Variants in RIMS2 observed in about 807,000 individuals in gnomAD.
RIMS2 encodes the protein regulating synaptic membrane exocytosis 2.
RIMS2 carries 59 observed loss-of-function variants against 174.4 expected under a neutral mutation model. That is an observed-to-expected ratio of 0.34 (90% confidence interval 0.27 to 0.42). RIMS2 has a LOEUF of 0.42. RIMS2 is among the 10% of genes least tolerant of loss of function. The pLI is 1.00. For synonymous variants in RIMS2, 606 were observed against 572.5 expected (o/e 1.06, Z -0.84); for missense variants, 1,620 against 1,666.3 (o/e 0.97, Z 0.48).
intron 17 of RIMS2, among the ~76,000 whole-genome samples, chr8:104,000,058 A>G (rs1006141488): frequency 2.0e-5 from 3 of 151,784 alleles, no homozygotes; most frequent in African/African-American, 7.2e-5. Context: ...GTATTAAAGT[A>G]TTTGCCTTGC....
chr8:103,623,809 AAAGG>A (rs1470103578), intron 1 of RIMS2, among the ~76,000 whole-genome samples: 2 of 150,520 alleles, frequency 1.3e-5, no homozygotes, highest in African/African-American at 2.4e-5. Context: ...TTTTTTTTAA[AAAGG>A]AAGGAACTAG....
At chr8:103,759,362 G>C (rs190970032) in intron 2 of RIMS2, among the ~76,000 whole-genome samples, 1 of 151,856 alleles carries the variant, frequency 6.6e-6, no homozygotes, top group African/African-American at 2.4e-5. Flanking sequence ...TCAGGAGATC[G>C]AGACCATCCT....
chr8:103,641,415 A>C (rs1322712912), intron 1 of RIMS2, among the ~76,000 whole-genome samples: 12 of 152,264 alleles, frequency 7.9e-5, no homozygotes, highest in Admixed American at 7.9e-4. Flanking sequence ...GAAATATACA[A>C]TAGATTATTG....
At chr8:103,885,349 G>C in exon 4 of RIMS2, 1 of 1,611,244 alleles carries the variant, frequency 6.2e-7, no homozygotes, top group Non-Finnish European at 8.5e-7. Flanking sequence ...ACGACCAAAG[G>C]GAAGAAAGAG....
chr8:104,142,776 C>A (rs2098596256), intron 19 of RIMS2, among the ~76,000 whole-genome samples: 1 of 152,150 alleles, frequency 6.6e-6, no homozygotes, highest in African/African-American at 2.4e-5. Flanking sequence ...CCAAATGTTT[C>A]TCCCTAACTC....
At chr8:104,148,400 T>C (rs2098661129) in intron 19 of RIMS2, among the ~76,000 whole-genome samples, 1 of 152,170 alleles carries the variant, frequency 6.6e-6, no homozygotes, top group African/African-American at 2.4e-5. Flanking sequence ...AATAAAATCA[T>C]AAATCTGATT....
rs1222616442 is a variant in RIMS2 at position 103,931,247 on chromosome 8, T to C, written c.2245-16T>C. 4 of 1,569,966 alleles carry C rather than the reference T, an allele frequency of 2.5e-6. No homozygotes were observed. The highest frequency in any genetic ancestry group is 3.5e-6 in the Non-Finnish European group (4 of 1,153,004). ...GTAAATGTTTGAATTGATAAATGAA[T>C]ATTTTTGCTTTTCAGATAAAACTAT... On this transcript the variant is annotated splice_polypyrimidine_tract_variant and intron_variant, in intron 11 of 23. Coordinates refer to ENST00000504942, the Ensembl canonical transcript of RIMS2.
intron 2 of RIMS2, among the ~76,000 whole-genome samples, chr8:103,750,576 A>C (rs185846799): frequency 5.9e-5 from 9 of 152,264 alleles, no homozygotes; most frequent in Non-Finnish European, 5.9e-5. Flanking sequence ...CTTGAATTTT[A>C]ATAATCCCCA....
intron 1 of RIMS2, among the ~76,000 whole-genome samples, chr8:103,526,271 C>T (rs911867219): frequency 6.6e-6 from 1 of 152,282 alleles, no homozygotes; most frequent in East Asian, 1.9e-4. Context: ...TCATCGTAGT[C>T]TTTAATTAGA....
chr8:103,623,355 TTA>T (rs1348615849), intron 1 of RIMS2, among the ~76,000 whole-genome samples: 1 of 152,124 alleles, frequency 6.6e-6, no homozygotes, highest in Admixed American at 6.5e-5. Context: ...ATAAAATTTT[TTA>T]TATGTTTGAA....
chr8:104,002,005 A>G (rs2095410163), intron 17 of RIMS2, among the ~76,000 whole-genome samples: 1 of 152,004 alleles, frequency 6.6e-6, no homozygotes, highest in Admixed American at 6.6e-5. Context: ...TTACCTGAAT[A>G]ATCTATTTAG....
chr8:104,069,853 A>G (rs982232279), intron 19 of RIMS2, among the ~76,000 whole-genome samples: 1 of 152,172 alleles, frequency 6.6e-6, no homozygotes, highest in Non-Finnish European at 1.5e-5. Flanking sequence ...TCATGAAAAT[A>G]CTTTGTTCTG....
intron 19 of RIMS2, among the ~76,000 whole-genome samples, chr8:104,195,309 T>G (rs1037277085): frequency 6.6e-6 from 1 of 152,080 alleles, no homozygotes; most frequent in Non-Finnish European, 1.5e-5. Context: ...TTTTCTACCT[T>G]GGATGACTGA....
At chr8:103,521,713 T>C (rs984081365) in intron 1 of RIMS2, among the ~76,000 whole-genome samples, 3 of 152,122 alleles carry the variant, frequency 2.0e-5, no homozygotes, top group Non-Finnish European at 4.4e-5. Flanking sequence ...CATAACCCTA[T>C]TTCCTGGATT....
chr8:104,218,067 G>A (rs958563232), intron 19 of RIMS2, among the ~76,000 whole-genome samples: 64 of 152,128 alleles, frequency 4.2e-4, no homozygotes, highest in African/African-American at 7.5e-4. Context: ...AACTAATATC[G>A]TATCTATCTT....
At chr8:104,052,854 T>C (rs571015100) in intron 19 of RIMS2, among the ~76,000 whole-genome samples, 56 of 151,988 alleles carry the variant, frequency 3.7e-4, no homozygotes, top group Middle Eastern at 6.8e-3. Flanking sequence ...CACTCAAGGA[T>C]AGAATAAAGC....
chr8:103,882,820 G>A (rs1320230201), intron 3 of RIMS2, among the ~76,000 whole-genome samples: 2 of 151,548 alleles, frequency 1.3e-5, no homozygotes, highest in Non-Finnish European at 3.0e-5. Context: ...TTATTTATCT[G>A]TAAGATAAAA....
rs140333083 is a variant in RIMS2 at position 103,828,570 on chromosome 8, T to C, written c.699-56728T>C. ...TTTCTTTTGCTGTGCAGTGGCTCTT[T>C]AGTTTAATTAGGTCCCACTTGTCAA... On this transcript the variant is annotated intron_variant, in intron 3 of 23. Transcript: ENST00000504942. Among the ~76,000 whole-genome samples, 589 of 152,344 alleles carry C rather than the reference T, an allele frequency of 3.9e-3. 5 individuals are homozygous for C. Among genetic ancestry groups the C allele is most frequent in the Non-Finnish European group, 3.1e-3 (213 of 68,030 alleles).
At chr8:103,783,391 G>T (rs1218806444) in intron 3 of RIMS2, among the ~76,000 whole-genome samples, 2 of 150,458 alleles carry the variant, frequency 1.3e-5, no homozygotes, top group Non-Finnish European at 3.0e-5. Flanking sequence ...TCTAGCATTA[G>T]GTATATCTCC....
Sources: allele counts gnomAD v4.1 joint callset (sites outside exome capture counted in the v4.1 genomes callset), GRCh38; gene constraint gnomAD v4.1.1; transcripts MANE v1.5; gene names NCBI Gene and HGNC (gene_info 2026-07-23, HGNC 2026-07-21).